GAB2: variants seen among roughly 807,000 people sequenced by gnomAD.
GAB2 encodes GRB2 associated binding protein 2.
Under a neutral mutation model 65.5 loss-of-function variants are expected in GAB2, and 26 were observed. The ratio of observed to expected loss-of-function variants is 0.40; its 90% CI spans 0.29 to 0.55. GAB2 has a LOEUF of 0.55. Among genes scored for constraint, GAB2 ranks in the 20% least tolerant of loss-of-function variants. The pLI is 0.53. For missense variants in GAB2, 884 were observed against 875.8 expected (o/e 1.01, Z -0.12); for synonymous variants, 321 against 329.6 (o/e 0.97, Z 0.28).
At chr11:78,340,657 C>G (rs2134690396) in intron 1 of GAB2, among the ~76,000 whole-genome samples, 1 of 150,196 alleles carries the variant, frequency 6.7e-6, no homozygotes, top group East Asian at 1.9e-4. Flanking sequence ...TTTAGTAAGA[C>G]TGGGGGAAGA....
In GAB2 at chr11:78,319,871, C is replaced by T. The variant is rs1015816219; in HGVS notation, c.76-38970G>A. On this transcript the variant is annotated intron_variant, in intron 1 of 9. Transcript: ENST00000361507. ...TCTGGCAGAGATATAAAGAAACAGA[C>T]TTTTTTTTTTTTTTGAGACCGAGTC... 2.3e-3 allele frequency among the ~76,000 whole-genome samples: 333 copies of T among 145,782 alleles called. 1 individual carries two copies. The highest frequency in any genetic ancestry group is 8.0e-3 in the African/African-American group (319 of 39,964).
chr11:78,404,272 G>T (rs1318314313), intron 1 of GAB2, among the ~76,000 whole-genome samples: 1 of 152,248 alleles, frequency 6.6e-6, no homozygotes. Context: ...GCTGGGCACA[G>T]TGGCTCATGC....
At chr11:78,312,092 CA>C (rs1554987376) in intron 1 of GAB2, among the ~76,000 whole-genome samples, 1 of 151,452 alleles carries the variant, frequency 6.6e-6, no homozygotes, top group Non-Finnish European at 1.5e-5. Flanking sequence ...CACAGGGCAG[CA>C]CATTACATAA....
At chr11:78,369,823 C>T (rs905828961) in intron 1 of GAB2, among the ~76,000 whole-genome samples, 4 of 152,122 alleles carry the variant, frequency 2.6e-5, no homozygotes, top group Admixed American at 6.5e-5. Flanking sequence ...GCTTCATGAG[C>T]GCCCCCAGAA....
In GAB2 at chr11:78,306,341, C is replaced by T. The variant is rs189806430; in HGVS notation, c.76-25440G>A. ...CGCCTCCCAGGTTCAAGCAATTCTCCTGCCTCAGCCTCCCAAGTAGCTGGG... is the reference window on the plus strand; with the variant it reads ...CGCCTCCCAGGTTCAAGCAATTCTCTTGCCTCAGCCTCCCAAGTAGCTGGG... On this transcript the variant is annotated intron_variant, in intron 1 of 9. Coordinates refer to ENST00000361507, the MANE Select transcript of GAB2 (RefSeq NM_080491.3). 2.3e-3 allele frequency among the ~76,000 whole-genome samples: 353 copies of T among 152,306 alleles called. 1 individual carries two copies. The highest frequency in any genetic ancestry group is 8.1e-3 in the African/African-American group (337 of 41,572).
At chr11:78,407,496 G>A (rs1857060188) in intron 1 of GAB2, among the ~76,000 whole-genome samples, 1 of 151,918 alleles carries the variant, frequency 6.6e-6, no homozygotes, top group African/African-American at 2.4e-5. Flanking sequence ...AGCTGGGCGT[G>A]GTGGTGAGCG....
intron 2 of GAB2, among the ~76,000 whole-genome samples, chr11:78,253,810 A>G (rs957719696): frequency 1.3e-5 from 2 of 152,228 alleles, no homozygotes; most frequent in Admixed American, 1.3e-4. Flanking sequence ...CGTTGATCAA[A>G]AAAAGTACAC....
At chr11:78,278,214 C>T (rs762274929) in intron 2 of GAB2, among the ~76,000 whole-genome samples, 41 of 151,636 alleles carry the variant, frequency 2.7e-4, no homozygotes, top group African/African-American at 5.6e-4. Flanking sequence ...GGATTACAGG[C>T]GCCCACCACC....
At chr11:78,241,634 T>G (rs1309642301) in intron 3 of GAB2, among the ~76,000 whole-genome samples, 2 of 149,894 alleles carry the variant, frequency 1.3e-5, no homozygotes. Context: ...CCAGAAATCT[T>G]GCAGCTGAAG....
intron 1 of GAB2, among the ~76,000 whole-genome samples, chr11:78,296,736 A>G (rs1373315485): frequency 2.0e-5 from 3 of 152,206 alleles, no homozygotes; most frequent in African/African-American, 7.2e-5. Flanking sequence ...GTCTGAGATT[A>G]ACAGCCAAAG....
chr11:78,414,234 G>A (rs1857165428), intron 1 of GAB2, among the ~76,000 whole-genome samples: 1 of 152,032 alleles, frequency 6.6e-6, no homozygotes, highest in Admixed American at 6.6e-5. Flanking sequence ...CCATTGCTAA[G>A]ACTGAAAGAC....
In GAB2 at chr11:78,223,599, G is replaced by A. The variant is rs1590940930; in HGVS notation, c.1380C>T (p.Ser460=). The change falls in exon 6 of 10, where the codon TCC becomes TCT. Residue 460 remains serine (S), a synonymous_variant. Coordinates refer to ENST00000361507, the MANE Select transcript of GAB2 (RefSeq NM_080491.3). The part of the protein sequence containing the change: ...DNYVPMNPGS[S]TLLAMERAGD... ...CTGCTCGTTCCATGGCCAACAGGGT[G>A]GAAGAACCTGGATTCATGGGCACAT... 4 of 1,613,500 alleles carry A rather than the reference G, an allele frequency of 2.5e-6. No homozygotes were observed. Among genetic ancestry groups the A allele is most frequent in the East Asian group, 4.5e-5 (2 of 44,862 alleles).
chr11:78,368,076 A>C (rs1453167253), intron 1 of GAB2, among the ~76,000 whole-genome samples: 2 of 151,832 alleles, frequency 1.3e-5, no homozygotes, highest in African/African-American at 4.8e-5. Flanking sequence ...TCGGCCTCCC[A>C]AAGTGCTGGG....
chr11:78,390,012 G>A (rs1856815538), intron 1 of GAB2, among the ~76,000 whole-genome samples: 1 of 152,188 alleles, frequency 6.6e-6, no homozygotes, highest in African/African-American at 2.4e-5. Flanking sequence ...CATAAATTCA[G>A]TAGTTCAGGA....
intron 3 of GAB2, among the ~76,000 whole-genome samples, chr11:78,247,140 C>G (rs1207777928): frequency 6.6e-6 from 1 of 152,200 alleles, no homozygotes; most frequent in South Asian, 2.1e-4. Flanking sequence ...GGGGCCCAAC[C>G]TGGAGGCAAA....
chr11:78,225,243 T>G, intron 4 of GAB2, 41 bp from the exon 5 acceptor site: 2 of 1,345,750 alleles, frequency 1.5e-6, no homozygotes, highest in Non-Finnish European at 2.1e-6. Flanking sequence ...CATGGTTGAT[T>G]CATGTGTTGA....
intron 2 of GAB2, among the ~76,000 whole-genome samples, chr11:78,256,420 T>C (rs1482118398): frequency 6.6e-6 from 1 of 152,186 alleles, no homozygotes; most frequent in African/African-American, 2.4e-5. Flanking sequence ...TGATTTCATT[T>C]ATGTGAAATA....
chr11:78,223,476 G>A lies in GAB2; in HGVS notation c.1503C>T (p.Gly501=). ...YPSTTLPVHR[G]PSRGSEIQPP... ...GCTGAATCTCACTTCCTCTGCTGGGGCCTCGGTGCACAGGAAGGGTTGTTG... is the reference window on the plus strand; with the variant it reads ...GCTGAATCTCACTTCCTCTGCTGGGACCTCGGTGCACAGGAAGGGTTGTTG... Residue 501 remains glycine, a synonymous_variant, in exon 6 of 10, where the codon GGC becomes GGT. Coordinates refer to ENST00000361507, the MANE Select transcript of GAB2 (RefSeq NM_080491.3). The A allele has an allele frequency of 6.2e-7, 1 of 1,601,512 alleles. No individual in the cohort carries two copies. The highest frequency in any genetic ancestry group is 8.5e-7 in the Non-Finnish European group (1 of 1,172,800).
In GAB2 at chr11:78,250,474, G is replaced by A. The variant is rs764537271; in HGVS notation, c.377-74C>T. ...CTTATCCCAAAGTGAGTTGTCAGAG[G>A]AAGAAAAAAGAGTAAGAGCAGAGAA... On this transcript the variant is annotated intron_variant, in intron 2 of 9. Transcript: ENST00000361507. 5 of 1,325,576 alleles carry A rather than the reference G, an allele frequency of 3.8e-6. No homozygotes were observed. The South Asian group carries it at 4.8e-5, about 13-fold the overall frequency. The allele number at this position is 1,325,576 out of a possible 1,614,324, so 82.1% of individuals were successfully genotyped here.
Sources: gnomAD v4.1 joint callset for allele counts (sites outside exome capture counted in the v4.1 genomes callset) on GRCh38, gnomAD v4.1.1 for gene constraint, MANE v1.5 for transcripts, NCBI Gene and HGNC (gene_info 2026-07-23, HGNC 2026-07-21) for gene names.